The following TMEM266 variants were observed in gnomAD, a reference collection of about 807,000 sequenced individuals.
TMEM266 encodes transmembrane protein 266, also known as Hv1 related protein 1.
Under a neutral mutation model 50.5 loss-of-function variants are expected in TMEM266, and 33 were observed. That is an observed-to-expected ratio of 0.65 (90% CI 0.50 to 0.87). The LOEUF (loss-of-function observed/expected upper bound fraction) is 0.87. Among genes scored for constraint, TMEM266 ranks in the 40% least tolerant of loss-of-function variants. TMEM266 has a pLI of 0.00. For missense variants in TMEM266, 655 were observed against 695.1 expected (o/e 0.94, Z 0.65); for synonymous variants, 310 against 292.3 (o/e 1.06, Z -0.62).
Position 76,138,620 on chromosome 15 carries a change from C to T in TMEM266, c.227+725C>T, listed in dbSNP as rs8032436. Among the ~76,000 whole-genome samples the T allele has an allele frequency of 5.0e-3, 768 of 152,312 alleles. 7 individuals carry two copies. The highest frequency in any genetic ancestry group is 0.017 in the African/African-American group (725 of 41,558). Reference sequence around the variant, plus strand: ...CTAGGAAGCAACCAGGAAGAATGTACCCTACATGCAGGAACATGCTTAGGA... The same window carrying T: ...CTAGGAAGCAACCAGGAAGAATGTATCCTACATGCAGGAACATGCTTAGGA... On this transcript the variant is annotated intron_variant, in intron 3 of 10. Coordinates refer to ENST00000388942, the MANE Select transcript of TMEM266 (RefSeq NM_152335.3).
intron 9 of TMEM266, among the ~76,000 whole-genome samples, chr15:76,201,466 AC>A (rs1480635667): frequency 6.6e-6 from 1 of 152,104 alleles, no homozygotes; most frequent in Non-Finnish European, 1.5e-5. Context: ...ATCACAGCTC[AC>A]GGCAGCCTCA....
At position 76,130,794 on chromosome 15, in the gene TMEM266, T is replaced by C. The variant is rs147638650; in HGVS notation, c.-96-3374T>C. On this transcript the variant is annotated intron_variant, in intron 1 of 10. Coordinates refer to ENST00000388942, the MANE Select transcript of TMEM266 (RefSeq NM_152335.3). The stretch of plus-strand genomic sequence containing the variant: ...TGATACAATTCTCTACAATTGTATA[T>C]ATTTGAAATTTTCCTTCCTAAAAAG... 3.8e-3 allele frequency among the ~76,000 whole-genome samples: 584 copies of C among 152,294 alleles called. 5 individuals carry two copies. Among genetic ancestry groups the C allele is most frequent in the African/African-American group, 0.014 (569 of 41,548 alleles).
intron 8 of TMEM266, 41 bp from the exon 9 acceptor site, chr15:76,191,926 GC>G (rs771618219): frequency 3.9e-5 from 60 of 1,522,126 alleles, no homozygotes; most frequent in Admixed American, 1.0e-4. Context: ...GCCCCCGCCG[GC>G]CCCTCGCCGC....
At chr15:76,123,619 G>C (rs915199512) in intron 1 of TMEM266, among the ~76,000 whole-genome samples, 9 of 152,156 alleles carry the variant, frequency 5.9e-5, no homozygotes, top group Non-Finnish European at 1.3e-4. Flanking sequence ...CATACAATTA[G>C]TTACCTATGC....
intron 5 of TMEM266, among the ~76,000 whole-genome samples, chr15:76,165,534 G>T (rs2038081215): frequency 6.6e-6 from 1 of 152,222 alleles, no homozygotes; most frequent in East Asian, 1.9e-4. Context: ...GGAGGCTGAA[G>T]CTGGGGATTC....
chr15:76,156,575 C>T, intron 3 of TMEM266, 29 bp from the exon 4 acceptor site: 1 of 1,611,518 alleles, frequency 6.2e-7, no homozygotes, highest in Non-Finnish European at 8.5e-7. Context: ...CACTCTGAGC[C>T]TCTCTTCTCC....
At chr15:76,159,836 C>T (rs143864246) in intron 4 of TMEM266, among the ~76,000 whole-genome samples, 17 of 152,014 alleles carry the variant, frequency 1.1e-4, no homozygotes, top group South Asian at 4.2e-4. Context: ...CTGAGAGAGG[C>T]GGCCTGTGGG....
At chr15:76,176,221 T>G (rs1484401893) in intron 8 of TMEM266, 1 of 154,468 alleles carries the variant, frequency 6.5e-6, no homozygotes, top group Non-Finnish European at 1.4e-5. Flanking sequence ...CTGTCGGGAA[T>G]CCAGAGACCT....
Position 76,134,180 on chromosome 15 carries a change from GT to G in TMEM266, c.-83del, listed in dbSNP as rs2037555500. 2.7e-6 allele frequency: 4 copies of G among 1,471,876 alleles called. No individual in the cohort carries two copies. The highest frequency in any genetic ancestry group is 1.7e-4 in the Middle Eastern group (1 of 5,754). The allele number at this position is 1,471,876 out of a possible 1,614,324, so 91.2% of individuals were successfully genotyped here. On this transcript the variant is annotated 5_prime_UTR_variant, in exon 2 of 11. Coordinates refer to ENST00000388942, the MANE Select transcript of TMEM266 (RefSeq NM_152335.3). ...TTTTTGTTTTCAGGGCACTATATTT[GT>G]ATGTGTCTTGTAGAACCCACGCTTG...
chr15:76,174,516 C>T (rs1269118640), intron 7 of TMEM266, among the ~76,000 whole-genome samples: 1 of 152,200 alleles, frequency 6.6e-6, no homozygotes, highest in East Asian at 1.9e-4. Context: ...GCCCACTGCA[C>T]TCCAGCCTGG....
At chr15:76,163,084 T>C (rs527452240) in intron 5 of TMEM266, among the ~76,000 whole-genome samples, 1 of 152,300 alleles carries the variant, frequency 6.6e-6, no homozygotes, top group East Asian at 1.9e-4. Context: ...GGACATTTTA[T>C]GAGTTGTGAA....
chr15:76,067,910 C>T (rs1455354177), intron 1 of TMEM266, among the ~76,000 whole-genome samples: 3 of 152,050 alleles, frequency 2.0e-5, no homozygotes, highest in African/African-American at 7.2e-5. Context: ...TATATTTGAC[C>T]TGCAAAGGGC....
Position 76,137,704 on chromosome 15 carries a change from C to T in TMEM266, c.39-3C>T, listed in dbSNP as rs377726177. The T allele has an allele frequency of 1.4e-4, 222 of 1,613,996 alleles. No homozygotes were observed. The highest frequency in any genetic ancestry group is 1.8e-4 in the Non-Finnish European group (210 of 1,179,902). On this transcript the variant is annotated splice_polypyrimidine_tract_variant and splice_region_variant and intron_variant, in intron 2 of 10. Transcript: ENST00000388942. ...TTCCCATTGTTCCTCCTCTCCAACC[C>T]AGGCCTGCCATAGAAGGAGGAATTT...
At chr15:76,082,874 C>G (rs2036715804) in intron 1 of TMEM266, among the ~76,000 whole-genome samples, 1 of 152,124 alleles carries the variant, frequency 6.6e-6, no homozygotes, top group Non-Finnish European at 1.5e-5. Flanking sequence ...GAGGCTGAGA[C>G]AGGAGAATCA....
intron 1 of TMEM266, among the ~76,000 whole-genome samples, chr15:76,105,646 G>GT (rs2037068877): frequency 6.6e-6 from 1 of 152,244 alleles, no homozygotes; most frequent in Admixed American, 6.5e-5. Flanking sequence ...AAAACAGGCA[G>GT]TGGGCTGGTT....
chr15:76,099,839 G>C (rs2036975314), intron 1 of TMEM266, among the ~76,000 whole-genome samples: 1 of 152,162 alleles, frequency 6.6e-6, no homozygotes, highest in African/African-American at 2.4e-5. Context: ...AGTTCTGCAG[G>C]CTTAAGGAAA....
chr15:76,192,075 C>G lies in TMEM266; in HGVS notation c.876C>G (p.Ser292Arg), dbSNP rs1484347975. The G allele has an allele frequency of 6.8e-7, 1 of 1,477,990 alleles. No homozygotes were observed. Among genetic ancestry groups the G allele is most frequent in the South Asian group, 1.4e-5 (1 of 73,978 alleles). 91.6% of individuals were successfully genotyped at this position (1,477,990 alleles called of 1,614,324 possible). A position where few individuals can be genotyped will look rare whatever the true frequency, so the allele number is the denominator to read the frequency against. ...CGCACGTGCTCAGCCAGCCGCGCAGCCGCTTCAAAGTGTTGGAGGCCGGCA... is the reference window on the plus strand; with the variant it reads ...CGCACGTGCTCAGCCAGCCGCGCAGGCGCTTCAAAGTGTTGGAGGCCGGCA... Residue 292 changes from serine (S) to arginine (R), a missense_variant, in exon 9 of 11, where the codon AGC becomes AGG. This residue lies in a region of TMEM266 where 455 missense variants were observed against 401.8 expected (regional missense o/e 1.13). Transcript: ENST00000388942.
At chr15:76,118,374 C>T (rs2037284970) in intron 1 of TMEM266, among the ~76,000 whole-genome samples, 1 of 152,146 alleles carries the variant, frequency 6.6e-6, no homozygotes, top group Admixed American at 6.5e-5. Flanking sequence ...CCAGCCTGTC[C>T]AACATGGTAA....
intron 1 of TMEM266, among the ~76,000 whole-genome samples, chr15:76,092,156 A>T (rs2036857795): frequency 6.6e-6 from 1 of 152,064 alleles, no homozygotes; most frequent in African/African-American, 2.4e-5. Context: ...ATATAATGAA[A>T]TAGTACTATA....
Sources: gnomAD v4.1 joint callset for allele counts (sites outside exome capture counted in the v4.1 genomes callset) on GRCh38, gnomAD v4.1.1 for gene constraint, gnomAD v4.1.1 regional missense constraint, MANE v1.5 for transcripts, NCBI Gene and HGNC (gene_info 2026-07-23, HGNC 2026-07-21) for gene names.